PTPRR: variants seen among roughly 807,000 people sequenced by gnomAD.
PTPRR encodes protein tyrosine phosphatase receptor type R, also known as receptor-type tyrosine-protein phosphatase R.
A neutral mutation model predicts 77.2 loss-of-function variants in PTPRR; 38 were observed. The ratio of observed to expected loss-of-function variants is 0.49; its 90% CI spans 0.38 to 0.65. The LOEUF (loss-of-function observed/expected upper bound fraction) is 0.65. Ranked by LOEUF, PTPRR falls within the 30% of genes least tolerant of loss-of-function variation. PTPRR has a pLI of 0.00. For missense variants in PTPRR, 744 were observed against 799.2 expected (o/e 0.93, Z 0.83); for synonymous variants, 299 against 283.1 (o/e 1.06, Z -0.57).
chr12:70,888,207 AATTAT>A (rs1243890624), intron 2 of PTPRR, among the ~76,000 whole-genome samples: 1 of 152,218 alleles, frequency 6.6e-6, no homozygotes, highest in Admixed American at 6.5e-5. Flanking sequence ...TTGCTGTAAC[AATTAT>A]ATGAGATAAT....
intron 2 of PTPRR, among the ~76,000 whole-genome samples, chr12:70,810,904 C>A (rs746359378): frequency 3.3e-5 from 5 of 152,172 alleles, no homozygotes; most frequent in Non-Finnish European, 7.4e-5. Context: ...AATTCTATGA[C>A]TGCACATCCT....
chr12:70,767,324 AC>A (rs1404216617), intron 2 of PTPRR, among the ~76,000 whole-genome samples: 3 of 151,196 alleles, frequency 2.0e-5, no homozygotes, highest in African/African-American at 7.3e-5. Context: ...AGGAAGATCT[AC>A]CAAGAAAATG....
intron 1 of PTPRR, among the ~76,000 whole-genome samples, chr12:70,910,976 T>A (rs754609890): frequency 1.3e-5 from 2 of 152,154 alleles, no homozygotes; most frequent in South Asian, 2.1e-4. Flanking sequence ...GGAGTCAAAC[T>A]GAAGCTATAA....
In PTPRR at chr12:70,821,213, CTTTTTTTTTTT is replaced by C. The variant is rs61539990; in HGVS notation, c.358-56446_358-56436del. 3.4e-4 allele frequency among the ~76,000 whole-genome samples: 11 copies of C among 31,990 alleles called. 1 individual carries two copies. Among genetic ancestry groups the C allele is most frequent in the South Asian group, 2.7e-3 (1 of 376 alleles). The allele number at this position is 31,990 out of a possible 152,430, so 21.0% of individuals were successfully genotyped here. ...CAAAACATGTTGAAAGGGATCACTGCTTTTTTTTTTTTTTTTTTTTTTTTTTTTTAGGACAG... is the reference window on the plus strand; with the variant it reads ...CAAAACATGTTGAAAGGGATCACTGCTTTTTTTTTTTTTTTTTTAGGACAG... On this transcript the variant is annotated intron_variant, in intron 2 of 13. Transcript: ENST00000283228.
At chr12:70,856,412 T>C (rs1016764621) in intron 2 of PTPRR, among the ~76,000 whole-genome samples, 2 of 152,114 alleles carry the variant, frequency 1.3e-5, no homozygotes, top group African/African-American at 4.8e-5. Context: ...AGAATGAGCA[T>C]GGTGACTTCT....
At chr12:70,682,478 TC>T (rs1304470499) in intron 10 of PTPRR, among the ~76,000 whole-genome samples, 1 of 152,214 alleles carries the variant, frequency 6.6e-6, no homozygotes, top group African/African-American at 2.4e-5. Flanking sequence ...TGTTTAATTT[TC>T]TGGTTTTATG....
At chr12:70,859,030 G>T (rs908729202) in intron 2 of PTPRR, among the ~76,000 whole-genome samples, 2 of 151,472 alleles carry the variant, frequency 1.3e-5, no homozygotes, top group African/African-American at 4.8e-5. Flanking sequence ...CCAAAGGCTT[G>T]AGCATTGGTT....
intron 6 of PTPRR, among the ~76,000 whole-genome samples, chr12:70,727,775 A>T (rs1441852832): frequency 6.6e-6 from 1 of 152,188 alleles, no homozygotes; most frequent in African/African-American, 2.4e-5. Context: ...CGTGAGAAAG[A>T]CACATGTACT....
chr12:70,905,689 A>G (rs1893610940), intron 1 of PTPRR, among the ~76,000 whole-genome samples: 1 of 151,936 alleles, frequency 6.6e-6, no homozygotes, highest in South Asian at 2.1e-4. Flanking sequence ...TTTCAAATTC[A>G]GTGTTGGTTA....
rs11178368 is a variant in PTPRR at position 70,690,852 on chromosome 12, A to G, written c.1280-6069T>C. On this transcript the variant is annotated intron_variant, in intron 8 of 13. Transcript: ENST00000283228. ...GGAAATTATTTTTACCATCATTTGC[A>G]TACATTAATATTACTAATTCGTCTC... 1.4e-3 allele frequency among the ~76,000 whole-genome samples: 213 copies of G among 152,288 alleles called. 6 individuals carry two copies. The East Asian group carries it at 0.036, about 25-fold the overall frequency.
chr12:70,727,497 T>A (rs1342954275), intron 6 of PTPRR, among the ~76,000 whole-genome samples: 1 of 152,198 alleles, frequency 6.6e-6, no homozygotes, highest in Non-Finnish European at 1.5e-5. Flanking sequence ...AAAGAAAAAT[T>A]CATAAAAGAA....
At chr12:70,804,350 G>A (rs892406704) in intron 2 of PTPRR, among the ~76,000 whole-genome samples, 2 of 151,998 alleles carry the variant, frequency 1.3e-5, no homozygotes, top group African/African-American at 2.4e-5. Context: ...GAGCTCAGGA[G>A]TTTGAGACCA....
intron 2 of PTPRR, among the ~76,000 whole-genome samples, chr12:70,779,703 A>T (rs1428432511): frequency 1.3e-5 from 2 of 152,212 alleles, no homozygotes; most frequent in African/African-American, 4.8e-5. Flanking sequence ...TATTTAATAA[A>T]TTCTTGTAAA....
At chr12:70,689,217 A>G (rs1419846218) in intron 8 of PTPRR, among the ~76,000 whole-genome samples, 1 of 152,176 alleles carries the variant, frequency 6.6e-6, no homozygotes, top group African/African-American at 2.4e-5. Flanking sequence ...TATTTGAGGT[A>G]ATGGATACAT....
At chr12:70,874,920 C>CAA (rs34592534) in intron 2 of PTPRR, among the ~76,000 whole-genome samples, 4,881 of 75,862 alleles carry the variant, frequency 0.064, 415 homozygotes, top group African/African-American at 0.17. Context: ...GACTCCATCT[C>CAA]AAAAAAAAAA....
At chr12:70,761,303 AG>A (rs1045914615) in intron 4 of PTPRR, among the ~76,000 whole-genome samples, 167 bp downstream of exon 4, 1 of 152,248 alleles carries the variant, frequency 6.6e-6, no homozygotes, top group Non-Finnish European at 1.5e-5. Flanking sequence ...TTCCTTAAGA[AG>A]TAAACATATA....
At chr12:70,910,181 A>G (rs551341232) in intron 1 of PTPRR, among the ~76,000 whole-genome samples, 1 of 152,278 alleles carries the variant, frequency 6.6e-6, no homozygotes, top group African/African-American at 2.4e-5. Context: ...TACAACTCCT[A>G]CAACTACTAG....
intron 6 of PTPRR, among the ~76,000 whole-genome samples, chr12:70,707,930 A>C (rs1046164692): frequency 6.6e-6 from 1 of 151,954 alleles, no homozygotes; most frequent in African/African-American, 2.4e-5. Context: ...GATGCTTCCT[A>C]ATCTATCTAC....
intron 2 of PTPRR, among the ~76,000 whole-genome samples, chr12:70,787,407 T>G (rs1166537997): frequency 6.6e-6 from 1 of 152,204 alleles, no homozygotes; most frequent in Non-Finnish European, 1.5e-5. Context: ...AAAATTAACT[T>G]GAAGAGTATG....
Sources: gnomAD v4.1 joint callset for allele counts (sites outside exome capture counted in the v4.1 genomes callset) on GRCh38, gnomAD v4.1.1 for gene constraint, MANE v1.5 for transcripts, NCBI Gene and HGNC (gene_info 2026-07-23, HGNC 2026-07-21) for gene names.